The following DOCK7 variants were observed in gnomAD, a reference collection of about 807,000 sequenced individuals.
DOCK7 encodes dedicator of cytokinesis 7.
A neutral mutation model predicts 271.0 loss-of-function variants in DOCK7; 138 were observed. That is an observed-to-expected ratio of 0.51 (90% CI 0.44 to 0.59). The LOEUF is 0.59. Among genes scored for constraint, DOCK7 ranks in the 20% least tolerant of loss-of-function variants. DOCK7 has a pLI of 0.00. For synonymous variants in DOCK7, 823 were observed against 876.1 expected (o/e 0.94, Z 1.07); for missense variants, 2,066 against 2,592.4 (o/e 0.80, Z 4.41).
intron 2 of DOCK7, among the ~76,000 whole-genome samples, chr1:62,659,723 C>A (rs182183372): frequency 6.6e-6 from 1 of 151,850 alleles, no homozygotes; most frequent in African/African-American, 2.4e-5. Flanking sequence ...ATATACCAGG[C>A]GACAATTATT....
chr1:62,602,479 GAGA>G, intron 14 of DOCK7: 1 of 1,013,774 alleles, frequency 9.9e-7, no homozygotes, highest in South Asian at 1.3e-5. Context: ...AGTAACGAAC[GAGA>G]AGCAGTCTCA....
chr1:62,542,772 G>T, intron 24 of DOCK7, 69 bp from the exon 25 acceptor site: 1 of 1,426,724 alleles, frequency 7.0e-7, no homozygotes, highest in Non-Finnish European at 9.8e-7. Flanking sequence ...AAATCATAAT[G>T]CAAATACAAA....
intron 31 of DOCK7, among the ~76,000 whole-genome samples, chr1:62,520,884 A>C (rs1179771899): frequency 1.3e-5 from 2 of 152,204 alleles, no homozygotes; most frequent in Non-Finnish European, 2.9e-5. Context: ...CTGGATAAAG[A>C]AAATGTGGCA....
chr1:62,504,707 T>C lies in DOCK7; in HGVS notation c.4687A>G (p.Ser1563Gly). 2 of 1,614,178 alleles carry C rather than the reference T, an allele frequency of 1.2e-6. No individual in the cohort carries two copies. The highest frequency in any genetic ancestry group is 1.7e-6 in the Non-Finnish European group (2 of 1,180,016). ...LCLRLLRHCSSSIGTIRSHAS... is the reference protein window; with the variant it reads ...LCLRLLRHCSGSIGTIRSHAS... The stretch of plus-strand genomic sequence containing the variant: ...TGTGACCGTATTGTACCGATGCTAC[T>C]GCTACAGTGTCGGAGAAGCCTGAGG... Residue 1563 changes from serine to glycine, a missense_variant, in exon 37 of 50, where the codon AGT (serine) becomes GGT (glycine). Ser to Gly is a moderately conservative substitution (Grantham distance 56). Around this residue, in one of 2 missense-constraint regions of DOCK7, gnomAD observed 652 missense variants for 922.1 expected, o/e 0.71. Transcript: ENST00000635253.
intron 2 of DOCK7, 122 bp downstream of exon 2, chr1:62,662,903 G>T (rs2149716307): frequency 1.6e-6 from 1 of 634,902 alleles, no homozygotes; most frequent in Non-Finnish European, 2.6e-6. Context: ...AACAAAATGA[G>T]GTAACAAGTA....
intron 14 of DOCK7, among the ~76,000 whole-genome samples, chr1:62,596,649 A>C (rs552949139): frequency 3.2e-4 from 49 of 152,296 alleles, no homozygotes; most frequent in Non-Finnish European, 6.5e-4. Context: ...TCTTTAAAAA[A>C]AAAATGTTAT....
intron 48 of DOCK7, among the ~76,000 whole-genome samples, chr1:62,465,661 C>T (rs1033444833): frequency 1.3e-5 from 2 of 152,118 alleles, no homozygotes; most frequent in Non-Finnish European, 2.9e-5. Context: ...AAGTGATTTT[C>T]CTGCCTCAGT....
rs191529522 is a variant in DOCK7 at position 62,623,554 on chromosome 1, A to G, written c.1425+1705T>C. On this transcript the variant is annotated intron_variant, in intron 12 of 49. Transcript: ENST00000635253. ...TGATTTATGCTTATAATACCAATTT[A>G]TTGATAAACAGCAGGCTGAAGAAAT... Among the ~76,000 whole-genome samples, 317 of 152,330 alleles carry G rather than the reference A, an allele frequency of 2.1e-3. 2 individuals carry two copies. The highest frequency in any genetic ancestry group is 7.3e-3 in the African/African-American group (302 of 41,576).
chr1:62,569,806 TG>T (rs2149465644), intron 18 of DOCK7, among the ~76,000 whole-genome samples: 1 of 140,358 alleles, frequency 7.1e-6, no homozygotes, highest in South Asian at 2.3e-4. Context: ...CTCCACCTCC[TG>T]GGTTCAAGCA....
chr1:62,591,641 G>A (rs1648466577), intron 14 of DOCK7, among the ~76,000 whole-genome samples: 1 of 152,100 alleles, frequency 6.6e-6, no homozygotes, highest in African/African-American at 2.4e-5. Context: ...TGCCATGCAT[G>A]CTTCCCTCTA....
chr1:62,574,401 TC>T (rs1646879428), intron 18 of DOCK7, among the ~76,000 whole-genome samples: 1 of 151,070 alleles, frequency 6.6e-6, no homozygotes, highest in African/African-American at 2.4e-5. Flanking sequence ...ATCAAGAAAA[TC>T]ATGAAATAAA....
intron 14 of DOCK7, among the ~76,000 whole-genome samples, chr1:62,596,617 TG>T (rs1437977269): frequency 1.2e-3 from 181 of 152,216 alleles, no homozygotes; most frequent in Non-Finnish European, 2.0e-3. Context: ...CAGACCAGCA[TG>T]GGCAATACAT....
intron 14 of DOCK7, chr1:62,597,801 G>A (rs767345973): frequency 4.3e-6 from 7 of 1,613,414 alleles, no homozygotes; most frequent in Non-Finnish European, 5.9e-6. Context: ...CAACATATTT[G>A]ATCAGTCTTT....
chr1:62,522,341 T>G (rs990890238), intron 31 of DOCK7, among the ~76,000 whole-genome samples: 9 of 152,152 alleles, frequency 5.9e-5, no homozygotes, highest in African/African-American at 2.2e-4. Context: ...AGTACACAAC[T>G]ATGAAGAAGT....
chr1:62,501,624 T>G (rs999281999), intron 37 of DOCK7, among the ~76,000 whole-genome samples: 1 of 152,260 alleles, frequency 6.6e-6, no homozygotes, highest in African/African-American at 2.4e-5. Flanking sequence ...TCTCAATATT[T>G]TTTTCATTAT....
chr1:62,492,540 A>T (rs926466395), intron 41 of DOCK7, 164 bp downstream of exon 41: 1 of 729,236 alleles, frequency 1.4e-6, no homozygotes, highest in Non-Finnish European at 2.2e-6. Context: ...CTCCCGTCTT[A>T]GCCTCTCAAA....
intron 29 of DOCK7, among the ~76,000 whole-genome samples, chr1:62,529,672 C>T (rs547035942): frequency 8.5e-5 from 13 of 152,168 alleles, no homozygotes; most frequent in African/African-American, 3.1e-4. Context: ...AAAGGAAATG[C>T]TATACAAATT....
In DOCK7 at chr1:62,545,049, T is replaced by TAATA. The variant is rs1363396999; in HGVS notation, c.2767-14_2767-11dup. The TAATA allele has an allele frequency of 1.2e-5, 18 of 1,541,022 alleles. No individual in the cohort carries two copies. In the Admixed American group the frequency reaches 3.6e-4, roughly 31 times the overall value. ...TGGAGCGATCTAAACCCTAAGCATA[T>TAATA]AATAGAAAGCAGTTTGAAAGGAAAG... On this transcript the variant is annotated splice_polypyrimidine_tract_variant and intron_variant, in intron 22 of 49. Transcript: ENST00000635253.
chr1:62,660,067 T>C (rs988970073), intron 2 of DOCK7, among the ~76,000 whole-genome samples: 10 of 152,126 alleles, frequency 6.6e-5, no homozygotes, highest in Non-Finnish European at 1.5e-4. Flanking sequence ...CATCAACCAA[T>C]AGATCTAACT....
Sources: gnomAD v4.1 joint callset for allele counts (sites outside exome capture counted in the v4.1 genomes callset) on GRCh38, gnomAD v4.1.1 for gene constraint, gnomAD v4.1.1 regional missense constraint, MANE v1.5 for transcripts, NCBI Gene and HGNC (gene_info 2026-07-23, HGNC 2026-07-21) for gene names.